ANO2: variants seen among roughly 807,000 people sequenced by gnomAD.
ANO2 encodes anoctamin 2.
ANO2 carries 101 observed loss-of-function variants against 124.2 expected under a neutral mutation model. The observed-to-expected ratio is 0.81, with a 90% CI of 0.69 to 0.96. The LOEUF (loss-of-function observed/expected upper bound fraction) is 0.96. Among genes scored for constraint, ANO2 ranks in the 40% least tolerant of loss-of-function variants. ANO2 has a pLI of 0.00. For synonymous variants in ANO2, 486 were observed against 482.5 expected (o/e 1.01, Z -0.09); for missense variants, 1,293 against 1,274.5 (o/e 1.01, Z -0.22).
intron 12 of ANO2, chr12:5,739,954 T>C (rs1186668483): frequency 6.6e-6 from 3 of 455,996 alleles, no homozygotes; most frequent in South Asian, 1.5e-5. Context: ...ATGTAGCTGA[T>C]AGAATAATCT....
At chr12:5,573,549 A>G (rs1176157563) in intron 23 of ANO2, among the ~76,000 whole-genome samples, 2 of 152,176 alleles carry the variant, frequency 1.3e-5, no homozygotes, top group Non-Finnish European at 2.9e-5. Context: ...CTGTGGAACT[A>G]TGTCGCTGGG....
intron 14 of ANO2, among the ~76,000 whole-genome samples, chr12:5,665,854 G>A (rs887907885): frequency 4.6e-5 from 7 of 152,040 alleles, no homozygotes; most frequent in African/African-American, 1.7e-4. Context: ...GTACCACAGG[G>A]TACAGAGCCA....
At chr12:5,816,716 A>G (rs1475853726) in intron 7 of ANO2, among the ~76,000 whole-genome samples, 7 of 152,168 alleles carry the variant, frequency 4.6e-5, no homozygotes, top group Non-Finnish European at 1.5e-5. Context: ...GGGAGCAATG[A>G]TTTACATTGA....
chr12:5,589,556 C>T (rs1038485813), intron 20 of ANO2, among the ~76,000 whole-genome samples: 1 of 152,180 alleles, frequency 6.6e-6, no homozygotes, highest in Non-Finnish European at 1.5e-5. Flanking sequence ...TACAGGCTTA[C>T]CCAATATGTT....
chr12:5,663,194 T>C (rs1947534188), intron 14 of ANO2, among the ~76,000 whole-genome samples: 1 of 152,194 alleles, frequency 6.6e-6, no homozygotes, highest in Admixed American at 6.5e-5. Context: ...GCTGAAGGCA[T>C]CCTGGACAGA....
intron 14 of ANO2, among the ~76,000 whole-genome samples, chr12:5,696,211 C>T (rs956755482): frequency 6.6e-6 from 1 of 152,106 alleles, no homozygotes; most frequent in Non-Finnish European, 1.5e-5. Context: ...CAAACACTGG[C>T]TTCTTGAAAA....
At chr12:5,876,434 G>A (rs906511374) in intron 3 of ANO2, among the ~76,000 whole-genome samples, 1 of 152,162 alleles carries the variant, frequency 6.6e-6, no homozygotes, top group African/African-American at 2.4e-5. Context: ...ATTCCTCAAG[G>A]ATCTAGAACC....
chr12:5,598,203 G>A lies in ANO2; in HGVS notation c.2233+1281C>T, dbSNP rs1378869769. 3.3e-5 allele frequency among the ~76,000 whole-genome samples: 5 copies of A among 152,148 alleles called. 1 individual carries two copies. The highest frequency in any genetic ancestry group is 1.2e-4 in the African/African-American group (5 of 41,432). On this transcript the variant is annotated intron_variant, in intron 20 of 24. Transcript: ENST00000682330. ...GTACTGACGGCCCTCTGCTACAAGT[G>A]ACTAGGTGAAGGGAGCAGGAGTCAT...
chr12:5,939,105 T>C (rs923069359), intron 1 of ANO2, among the ~76,000 whole-genome samples: 3 of 147,530 alleles, frequency 2.0e-5, no homozygotes, highest in Non-Finnish European at 4.4e-5. Context: ...TAGTCCCAGC[T>C]ACTCGGGAGG....
chr12:5,615,315 G>A lies in ANO2; in HGVS notation c.1817-18C>T, dbSNP rs373426606. The A allele has an allele frequency of 1.3e-5, 20 of 1,592,066 alleles. No individual in the cohort carries two copies. The highest frequency in any genetic ancestry group is 1.6e-5 in the Non-Finnish European group (19 of 1,164,504). On this transcript the variant is annotated intron_variant, in intron 16 of 24. Coordinates refer to ENST00000682330, the MANE Select transcript of ANO2 (RefSeq NM_001364791.2). ...CGGAACCTCTGTAAGAGAAGAGCGA[G>A]GCTGATGAGATTGGGGTGAGATTTC... is the stretch of plus-strand genomic sequence containing the variant.
intron 17 of ANO2, among the ~76,000 whole-genome samples, chr12:5,613,176 C>T (rs1228169528): frequency 2.0e-5 from 3 of 152,036 alleles, no homozygotes; most frequent in African/African-American, 4.8e-5. Flanking sequence ...AAATGTCAGA[C>T]GATAGGAATA....
chr12:5,836,933 C>T (rs1207586344), intron 4 of ANO2, among the ~76,000 whole-genome samples: 1 of 152,222 alleles, frequency 6.6e-6, no homozygotes, highest in East Asian at 1.9e-4. Flanking sequence ...CCCTACCAAA[C>T]CATAATCCCA....
chr12:5,939,590 A>G (rs1430506347), intron 1 of ANO2, among the ~76,000 whole-genome samples: 1 of 152,182 alleles, frequency 6.6e-6, no homozygotes, highest in Non-Finnish European at 1.5e-5. Context: ...ATGAACAGTC[A>G]CTCAGTGGAC....
At chr12:5,767,549 G>A (rs11063855) in intron 10 of ANO2, among the ~76,000 whole-genome samples, 3,609 of 152,296 alleles carry the variant, frequency 0.024, 131 homozygotes, top group African/African-American at 0.078. Context: ...AGCCTTAAGC[G>A]AAATGCTTTA....
At chr12:5,584,888 C>T in intron 20 of ANO2, among the ~76,000 whole-genome samples, 1 of 152,158 alleles carries the variant, frequency 6.6e-6, no homozygotes, top group Non-Finnish European at 1.5e-5. Flanking sequence ...CTCACTCATG[C>T]ATTCATTCAG....
chr12:5,818,874 G>T (rs1953697242), intron 7 of ANO2, among the ~76,000 whole-genome samples: 1 of 152,178 alleles, frequency 6.6e-6, no homozygotes, highest in Admixed American at 6.5e-5. Context: ...CCTAAGTTCA[G>T]TGGACAAAGT....
chr12:5,892,058 A>G (rs1164558095), intron 3 of ANO2, among the ~76,000 whole-genome samples: 1 of 152,000 alleles, frequency 6.6e-6, no homozygotes, highest in East Asian at 1.9e-4. Flanking sequence ...ATAGAAAGAG[A>G]CATTTTCAGA....
At chr12:5,684,336 G>A (rs565214067) in intron 14 of ANO2, among the ~76,000 whole-genome samples, 2 of 152,320 alleles carry the variant, frequency 1.3e-5, no homozygotes, top group Admixed American at 6.5e-5. Flanking sequence ...CCCTGCCATG[G>A]GCTTGACACA....
intron 3 of ANO2, among the ~76,000 whole-genome samples, chr12:5,873,353 T>G (rs550748811): frequency 6.6e-6 from 1 of 152,108 alleles, no homozygotes; most frequent in Non-Finnish European, 1.5e-5. Flanking sequence ...GCGAAGCCAC[T>G]GACTCAGGAC....
Sources: allele counts gnomAD v4.1 joint callset (sites outside exome capture counted in the v4.1 genomes callset), GRCh38; gene constraint gnomAD v4.1.1; transcripts MANE v1.5; gene names NCBI Gene and HGNC (gene_info 2026-07-23, HGNC 2026-07-21).